Variants in CALN1 observed in about 807,000 individuals in gnomAD.
CALN1 encodes the protein calneuron 1.
CALN1 carries 17 observed loss-of-function variants against 30.6 expected under a neutral mutation model. That is an observed-to-expected ratio of 0.56 (90% CI 0.38 to 0.83). The LOEUF (loss-of-function observed/expected upper bound fraction) is 0.83, where lower values mean the gene tolerates loss of function less well. Among genes scored for constraint, CALN1 ranks in the 40% least tolerant of loss-of-function variants. The probability of loss-of-function intolerance (pLI) is 0.00; values close to 1 mark genes in which losing one functional copy is unlikely to be tolerated. For missense variants in CALN1, 291 were observed against 354.9 expected, an observed-to-expected ratio of 0.82 and a Z score of 1.45; for synonymous variants, 156 against 131.4, an observed-to-expected ratio of 1.19 and a Z score of -1.28.
intron 2 of CALN1, among the ~76,000 whole-genome samples, chr7:72,320,760 G>C (rs893226589): frequency 2.0e-5 from 3 of 148,842 alleles, no homozygotes; most frequent in Non-Finnish European, 3.0e-5. Context: ...GCTTGAGCCA[G>C]GGAGGCGGAG....
At chr7:71,879,034 T>C (rs959743609) in intron 5 of CALN1, among the ~76,000 whole-genome samples, 10 of 152,158 alleles carry the variant, frequency 6.6e-5, no homozygotes, top group Middle Eastern at 3.2e-3. Context: ...CAAGTGACCA[T>C]AGCACAGAAC....
intron 2 of CALN1, among the ~76,000 whole-genome samples, chr7:72,358,276 T>G (rs1803358544): frequency 6.6e-6 from 1 of 151,994 alleles, no homozygotes; most frequent in African/African-American, 2.4e-5. Flanking sequence ...ATTATAGGTG[T>G]GAGCCACTAC....
the CALN1 span, among the ~76,000 whole-genome samples, chr7:72,485,765 G>A: frequency 6.6e-5 from 10 of 152,240 alleles, no homozygotes; most frequent in Middle Eastern, 3.4e-3. Flanking sequence ...CAGCTACTCC[G>A]GAGGCTGAGG....
chr7:72,277,714 T>C (rs1472429247), intron 3 of CALN1, among the ~76,000 whole-genome samples: 1 of 152,168 alleles, frequency 6.6e-6, no homozygotes, highest in Non-Finnish European at 1.5e-5. Flanking sequence ...TTGGCTTCAC[T>C]GTCTCAGAGC....
chr7:71,869,502 G>T (rs966175099), intron 5 of CALN1, among the ~76,000 whole-genome samples: 1 of 152,144 alleles, frequency 6.6e-6, no homozygotes, highest in Non-Finnish European at 1.5e-5. Context: ...TTGAGCCACC[G>T]TGCCTGGCCA....
At chr7:72,331,569 T>C (rs1221296129) in intron 2 of CALN1, among the ~76,000 whole-genome samples, 1 of 152,226 alleles carries the variant, frequency 6.6e-6, no homozygotes, top group Non-Finnish European at 1.5e-5. Flanking sequence ...TTCTTGGCTT[T>C]GCCCAGGAAA....
At chr7:72,417,576 T>C (rs1439422917) in intron 1 of CALN1, among the ~76,000 whole-genome samples, 1 of 152,268 alleles carries the variant, frequency 6.6e-6, no homozygotes, top group Non-Finnish European at 1.5e-5. Context: ...TATTTAATCA[T>C]GCATTGTGTG....
Position 71,925,983 on chromosome 7 carries a change from A to G in CALN1, c.501+97674T>C, listed in dbSNP as rs539550237. ...ATTCTCCTGCCTCAGCTTCCCGAGT[A>G]GCTGGGAGTACAGGCACCTGCCGCC... On this transcript the variant is annotated intron_variant, in intron 5 of 6. Transcript: ENST00000395275. Among the ~76,000 whole-genome samples, 4 of 152,294 alleles carry G rather than the reference A, an allele frequency of 2.6e-5. No homozygotes were observed. The East Asian group carries it at 5.8e-4, about 22-fold the overall frequency.
At chr7:72,178,430 T>C (rs1269773323) in intron 3 of CALN1, among the ~76,000 whole-genome samples, 3 of 152,120 alleles carry the variant, frequency 2.0e-5, no homozygotes, top group Admixed American at 6.6e-5. Context: ...CGGTGGCTCA[T>C]GTCTGTAATC....
intron 2 of CALN1, among the ~76,000 whole-genome samples, chr7:72,311,518 T>C (rs940671844): frequency 6.6e-5 from 10 of 151,946 alleles, no homozygotes; most frequent in Admixed American, 3.3e-4. Flanking sequence ...CTCACTCTGT[T>C]GCCCAGGCTA....
At chr7:72,293,585 G>A (rs552982598) in intron 2 of CALN1, among the ~76,000 whole-genome samples, 1 of 152,312 alleles carries the variant, frequency 6.6e-6, no homozygotes, top group South Asian at 2.1e-4. Flanking sequence ...CTACCATGCA[G>A]GGTAGCAGGA....
intron 5 of CALN1, among the ~76,000 whole-genome samples, chr7:72,020,582 C>A (rs1306803549): frequency 6.6e-6 from 1 of 152,128 alleles, no homozygotes; most frequent in African/African-American, 2.4e-5. Context: ...GCTGGGTGAG[C>A]ACTAGCAGGA....
intron 3 of CALN1, among the ~76,000 whole-genome samples, chr7:72,175,302 T>C (rs192005273): frequency 5.7e-4 from 87 of 152,262 alleles, no homozygotes; most frequent in African/African-American, 2.0e-3. Context: ...CTCGATCTCC[T>C]GACCTCATGA....
chr7:72,232,927 C>T (rs554201056), intron 3 of CALN1, among the ~76,000 whole-genome samples: 1 of 152,242 alleles, frequency 6.6e-6, no homozygotes, highest in South Asian at 2.1e-4. Flanking sequence ...CCTTCTTCTT[C>T]ATAATTTGCT....
At chr7:72,281,252 A>G (rs909609602) in intron 2 of CALN1, among the ~76,000 whole-genome samples, 8 of 152,144 alleles carry the variant, frequency 5.3e-5, no homozygotes, top group African/African-American at 1.9e-4. Context: ...AAGGCCCCTG[A>G]AAGATGTAGG....
rs985479772 is a variant in CALN1 at position 71,915,761 on chromosome 7, A to C, written c.502-105269T>G. 1.2e-4 allele frequency among the ~76,000 whole-genome samples: 18 copies of C among 152,224 alleles called. No individual in the cohort carries two copies. The East Asian group carries it at 3.3e-3, about 28-fold the overall frequency. ...ACAAAAACCAACCAAACAAAAAAAA[A>C]ACCCAATCTGCCCAAGAGGTAGAGC... On this transcript the variant is annotated intron_variant, in intron 5 of 6. Transcript: ENST00000395275.
chr7:71,868,839 A>G (rs1292529546), intron 5 of CALN1, among the ~76,000 whole-genome samples: 1 of 152,188 alleles, frequency 6.6e-6, no homozygotes, highest in Non-Finnish European at 1.5e-5. Flanking sequence ...TGCCCTATTA[A>G]TAGTAAAAGA....
At chr7:72,146,192 G>T (rs1563096718) in intron 3 of CALN1, among the ~76,000 whole-genome samples, 1 of 152,172 alleles carries the variant, frequency 6.6e-6, no homozygotes, top group Non-Finnish European at 1.5e-5. Context: ...GTCCCTCTTT[G>T]CAGATGACAT....
chr7:72,450,519 G>A (rs1399707353), upstream of CALN1, among the ~76,000 whole-genome samples: 1 of 152,218 alleles, frequency 6.6e-6, no homozygotes, highest in Non-Finnish European at 1.5e-5. Context: ...CTGCAGGGGA[G>A]TTCCAAACAC....
Sources: gnomAD v4.1 joint callset for allele counts (sites outside exome capture counted in the v4.1 genomes callset) on GRCh38, gnomAD v4.1.1 for gene constraint, MANE v1.5 for transcripts, NCBI Gene and HGNC (gene_info 2026-07-23, HGNC 2026-07-21) for gene names.